ACER3: variants seen among roughly 807,000 people sequenced by gnomAD.
ACER3 encodes alkCDase 3.
ACER3 carries 16 observed loss-of-function variants against 48.9 expected under a neutral mutation model. That is an observed-to-expected ratio of 0.33 (90% confidence interval 0.22 to 0.50). The LOEUF is 0.50. Ranked by LOEUF, ACER3 falls within the 20% of genes least tolerant of loss-of-function variation. The probability of loss-of-function intolerance (pLI) is 0.98; values close to 1 mark genes in which losing one functional copy is unlikely to be tolerated. For missense variants in ACER3, 227 were observed against 326.0 expected (o/e 0.70, Z 2.34); for synonymous variants, 109 against 107.8 (o/e 1.01, Z -0.07).
At chr11:77,001,654 A>G (rs1949033947) in intron 7 of ACER3, among the ~76,000 whole-genome samples, 1 of 152,116 alleles carries the variant, frequency 6.6e-6, no homozygotes, top group African/African-American at 2.4e-5. Context: ...TATTGACCTG[A>G]CTAGAACTTC....
chr11:76,912,245 A>T (rs1946395639), intron 1 of ACER3, among the ~76,000 whole-genome samples: 1 of 152,180 alleles, frequency 6.6e-6, no homozygotes, highest in African/African-American at 2.4e-5. Context: ...AATGCCAAAG[A>T]TTGCTAGCAA....
intron 4 of ACER3, among the ~76,000 whole-genome samples, chr11:76,981,674 A>G (rs1023234603): frequency 6.6e-6 from 1 of 152,204 alleles, no homozygotes; most frequent in African/African-American, 2.4e-5. Context: ...TCTTTTATTC[A>G]GTATAATATT....
At chr11:76,918,782 G>A (rs1040321416) in intron 1 of ACER3, among the ~76,000 whole-genome samples, 1 of 152,016 alleles carries the variant, frequency 6.6e-6, no homozygotes, top group Admixed American at 6.6e-5. Context: ...GGAAACTAAG[G>A]CTTAAGCATA....
intron 1 of ACER3, among the ~76,000 whole-genome samples, chr11:76,916,711 G>C (rs1043582088): frequency 6.6e-6 from 1 of 152,114 alleles, no homozygotes; most frequent in Non-Finnish European, 1.5e-5. Context: ...CTTCATTACT[G>C]AACATAGTTT....
chr11:76,980,167 CAA>C (rs111230825), intron 4 of ACER3, among the ~76,000 whole-genome samples: 1 of 149,758 alleles, frequency 6.7e-6, no homozygotes, highest in African/African-American at 2.5e-5. Flanking sequence ...ACCAAACTAA[CAA>C]AAAAAAACAG....
At chr11:76,949,348 T>G (rs888022258) in intron 2 of ACER3, among the ~76,000 whole-genome samples, 1 of 152,184 alleles carries the variant, frequency 6.6e-6, no homozygotes, top group Non-Finnish European at 1.5e-5. Context: ...CTATTACTTA[T>G]TTTGTGGAGT....
At chr11:76,865,139 T>C (rs1231893065) in intron 1 of ACER3, among the ~76,000 whole-genome samples, 1 of 14,620 alleles carries the variant, frequency 6.8e-5, no homozygotes, top group Non-Finnish European at 2.3e-4. Context: ...GCCCAGCTAA[T>C]TTTTTTTTTT....
chr11:76,885,476 G>GT (rs1477056003), intron 1 of ACER3, among the ~76,000 whole-genome samples: 1 of 152,090 alleles, frequency 6.6e-6, no homozygotes, highest in East Asian at 1.9e-4. Context: ...TTTATACTCA[G>GT]TTTCCTAGAA....
intron 1 of ACER3, among the ~76,000 whole-genome samples, chr11:76,901,365 G>A (rs1384786988): frequency 1.3e-5 from 2 of 152,192 alleles, no homozygotes; most frequent in South Asian, 2.1e-4. Context: ...TAGAAAAAGC[G>A]TTCTTGTTTT....
At chr11:76,916,279 C>A (rs950031475) in intron 1 of ACER3, among the ~76,000 whole-genome samples, 5 of 152,080 alleles carry the variant, frequency 3.3e-5, no homozygotes, top group East Asian at 1.9e-4. Flanking sequence ...GTTTTAAATA[C>A]CTGTACTCTT....
Position 76,932,137 on chromosome 11 carries a change from A to G in ACER3, c.214+5470A>G, listed in dbSNP as rs1037963455. On this transcript the variant is annotated intron_variant, in intron 2 of 10. Transcript: ENST00000532485. Reference sequence around the variant, plus strand: ...CTAATTTTTGTATTTTTTTGTAGAGACAGGATTTCGCCATGTTGCCCAGGC... The same window carrying G: ...CTAATTTTTGTATTTTTTTGTAGAGGCAGGATTTCGCCATGTTGCCCAGGC... Among the ~76,000 whole-genome samples, 3 of 151,866 alleles carry G rather than the reference A, an allele frequency of 2.0e-5. 1 individual carries two copies. Among genetic ancestry groups the G allele is most frequent in the Non-Finnish European group, 4.4e-5 (3 of 67,960 alleles).
chr11:76,911,184 C>A (rs1946368778), intron 1 of ACER3, among the ~76,000 whole-genome samples: 1 of 152,100 alleles, frequency 6.6e-6, no homozygotes, highest in South Asian at 2.1e-4. Context: ...ACCCTGAGGG[C>A]TGCTGGTTGG....
At chr11:76,899,407 G>A (rs1407059835) in intron 1 of ACER3, among the ~76,000 whole-genome samples, 1 of 152,046 alleles carries the variant, frequency 6.6e-6, no homozygotes. Flanking sequence ...GCTTTTTGTT[G>A]TCTTCTGTGT....
At chr11:76,976,262 C>G in intron 3 of ACER3, 27 bp from the exon 4 acceptor site, 1 of 1,555,828 alleles carries the variant, frequency 6.4e-7, no homozygotes, top group Non-Finnish European at 8.8e-7. Context: ...GATATTCAAG[C>G]CTGTTATCTA....
chr11:76,971,627 T>C lies in ACER3; in HGVS notation c.268-4662T>C, dbSNP rs559599623. Among the ~76,000 whole-genome samples, 4 of 152,048 alleles carry C rather than the reference T, an allele frequency of 2.6e-5. No homozygotes were observed. The East Asian group carries it at 7.7e-4, about 29-fold the overall frequency. On this transcript the variant is annotated intron_variant, in intron 3 of 10. Transcript: ENST00000532485. The stretch of plus-strand genomic sequence containing the variant: ...ATGTATGGGCATGGCATACAAAATA[T>C]GAAAAACTCAAACGGTCAGAAGATT...
intron 3 of ACER3, among the ~76,000 whole-genome samples, chr11:76,974,732 G>A (rs551077387): frequency 5.3e-5 from 8 of 152,002 alleles, no homozygotes; most frequent in African/African-American, 1.9e-4. Context: ...CTTAATTAGT[G>A]AGGGAGAGAA....
At position 76,955,075 on chromosome 11, in the gene ACER3, C is replaced by A. The variant is rs74368170; in HGVS notation, c.215-3904C>A. 5.1e-3 allele frequency among the ~76,000 whole-genome samples: 778 copies of A among 152,186 alleles called. 29 individuals are homozygous for A. The highest frequency in any genetic ancestry group is 0.047 in the East Asian group (244 of 5,182). On this transcript the variant is annotated intron_variant, in intron 2 of 10. Coordinates refer to ENST00000532485, the MANE Select transcript of ACER3 (RefSeq NM_018367.7). ...TACTAATCAAAATGATAATGAAATA[C>A]CACTTCACATCCATTAGGATGGCTG...
intron 1 of ACER3, among the ~76,000 whole-genome samples, chr11:76,862,728 A>G (rs1944974858): frequency 6.6e-6 from 1 of 152,200 alleles, no homozygotes. Context: ...TTGCTTCAAT[A>G]TAAGGAAAAA....
intron 1 of ACER3, among the ~76,000 whole-genome samples, chr11:76,901,277 A>C (rs936331535): frequency 5.9e-5 from 9 of 151,710 alleles, no homozygotes; most frequent in Non-Finnish European, 1.3e-4. Flanking sequence ...ATTTAAAAAA[A>C]AAAAAAACTT....
Sources: allele counts gnomAD v4.1 joint callset (sites outside exome capture counted in the v4.1 genomes callset), GRCh38; gene constraint gnomAD v4.1.1; transcripts MANE v1.5; gene names NCBI Gene and HGNC (gene_info 2026-07-23, HGNC 2026-07-21).